The following SPATA6 variants were observed in gnomAD, a reference collection of about 807,000 sequenced individuals.
SPATA6 encodes the protein spermatogenesis-associated protein 6.
SPATA6 carries 56 observed loss-of-function variants against 65.3 expected under a neutral mutation model. The observed-to-expected ratio is 0.86, with a 90% CI of 0.69 to 1.07. SPATA6 has a LOEUF of 1.07. Among genes scored for constraint, SPATA6 ranks in the 50% least tolerant of loss-of-function variants. SPATA6 has a pLI of 0.00. For missense variants in SPATA6, 590 were observed against 594.8 expected, an observed-to-expected ratio of 0.99 and a Z score of 0.08; for synonymous variants, 199 against 213.2, an observed-to-expected ratio of 0.93 and a Z score of 0.58.
chr1:48,341,149 A>C (rs1646204592), intron 11 of SPATA6, among the ~76,000 whole-genome samples: 1 of 152,138 alleles, frequency 6.6e-6, no homozygotes, highest in Admixed American at 6.6e-5. Context: ...GCACACTTTG[A>C]AATCTTTTTG....
At chr1:48,317,855 A>T (rs533079969) in intron 11 of SPATA6, among the ~76,000 whole-genome samples, 3 of 152,276 alleles carry the variant, frequency 2.0e-5, no homozygotes, top group South Asian at 2.1e-4. Context: ...AGCACAATTT[A>T]AAAAAACCCT....
chr1:48,292,895 C>T (rs1275887133), downstream of SPATA6, among the ~76,000 whole-genome samples: 2 of 152,156 alleles, frequency 1.3e-5, no homozygotes, highest in East Asian at 3.9e-4. Context: ...GGTTTGGGTG[C>T]CCACAGAGGC....
chr1:48,399,351 A>G lies in SPATA6; in HGVS notation c.780T>C (p.His260=), dbSNP rs149803117. 19 of 1,611,236 alleles carry G rather than the reference A, an allele frequency of 1.2e-5. No individual in the cohort carries two copies. The highest frequency in any genetic ancestry group is 1.7e-5 in the Admixed American group (1 of 59,560). Residue 260 remains histidine, a splice_region_variant and synonymous_variant, in exon 7 of 13, where the codon CAT becomes CAC. Coordinates refer to ENST00000371847, the MANE Select transcript of SPATA6 (RefSeq NM_019073.4). ...TAGAAATGCTTAAGAGAACACATAC[A>G]TGTCTAATCACAAATGGAGGTTTAT... The part of the protein sequence containing the change: ...ETDKPPFVIR[H]VDPPSPRADT...
the SPATA6 span, among the ~76,000 whole-genome samples, chr1:48,265,395 G>GAA: frequency 7.0e-6 from 1 of 142,710 alleles, no homozygotes. Flanking sequence ...TATTAAAGGA[G>GAA]AAAAAAAAAA....
At position 48,298,820 on chromosome 1, in the gene SPATA6, T is replaced by C; in HGVS notation, c.1360A>G (p.Lys454Glu). The change falls in exon 13 of 13, where the codon AAG (lysine) becomes GAG (glutamate). Residue 454 changes from lysine to glutamate, a missense_variant. By Grantham distance (56) the Lys-to-Glu change is moderately conservative (BLOSUM62 1). Coordinates refer to ENST00000371847, the MANE Select transcript of SPATA6 (RefSeq NM_019073.4). Reference protein sequence around the residue: ...EYWSNRAASYKGKSHRPIFEN... With the variant: ...EYWSNRAASYEGKSHRPIFEN... ...AAGATGGGTCGGTGGGATTTTCCCTTATAAGAGGCTGCCCTGTTGGACCAG... is the reference window on the plus strand; with the variant it reads ...AAGATGGGTCGGTGGGATTTTCCCTCATAAGAGGCTGCCCTGTTGGACCAG... The C allele has an allele frequency of 6.2e-7, 1 of 1,614,006 alleles. No individual in the cohort carries two copies. The highest frequency in any genetic ancestry group is 8.5e-7 in the Non-Finnish European group (1 of 1,179,942).
chr1:48,447,114 T>C (rs113869220), intron 3 of SPATA6, among the ~76,000 whole-genome samples: 13 of 152,306 alleles, frequency 8.5e-5, no homozygotes, highest in South Asian at 4.1e-4. Context: ...TACTTTATTA[T>C]AAGAATATAG....
intron 5 of SPATA6, among the ~76,000 whole-genome samples, chr1:48,408,838 C>T (rs935185282): frequency 6.6e-6 from 1 of 152,110 alleles, no homozygotes; most frequent in Non-Finnish European, 1.5e-5. Context: ...ATGAGAACAG[C>T]GTGAGAAAGA....
the SPATA6 span, among the ~76,000 whole-genome samples, chr1:48,275,199 C>T: frequency 3.6e-4 from 54 of 152,062 alleles, no homozygotes; most frequent in Admixed American, 3.9e-4. Flanking sequence ...TGTATCCCGA[C>T]ACTGTGCTGA....
intron 3 of SPATA6, among the ~76,000 whole-genome samples, chr1:48,427,979 G>A (rs1338557591): frequency 2.0e-5 from 3 of 152,124 alleles, no homozygotes; most frequent in African/African-American, 7.2e-5. Context: ...AGAACACACT[G>A]TATTTGGTTT....
chr1:48,280,405 G>C, the SPATA6 span, among the ~76,000 whole-genome samples: 1 of 152,048 alleles, frequency 6.6e-6, no homozygotes, highest in Non-Finnish European at 1.5e-5. Flanking sequence ...CTGTTTTTTT[G>C]AGAGAATCAA....
At position 48,404,176 on chromosome 1, in the gene SPATA6, ATATAT is replaced by A. The variant is rs1231306634; in HGVS notation, c.406-299_406-295del. 4.6e-5 allele frequency among the ~76,000 whole-genome samples: 7 copies of A among 152,066 alleles called. 1 individual carries two copies. Among genetic ancestry groups the A allele is most frequent in the East Asian group, 1.9e-4 (1 of 5,186 alleles). ...AATTGTTTTAAATTTTTAAATTATGATATATTATAGCCATAAATATATAAACATAC... is the reference window on the plus strand; with the variant it reads ...AATTGTTTTAAATTTTTAAATTATGATATAGCCATAAATATATAAACATAC... On this transcript the variant is annotated intron_variant, in intron 5 of 12. Coordinates refer to ENST00000371847, the MANE Select transcript of SPATA6 (RefSeq NM_019073.4).
intron 10 of SPATA6, among the ~76,000 whole-genome samples, chr1:48,357,451 T>C (rs1224177052): frequency 2.6e-5 from 4 of 152,140 alleles, no homozygotes; most frequent in Non-Finnish European, 4.4e-5. Context: ...TCTGTTTATA[T>C]ACATGATTAA....
chr1:48,303,213 A>G (rs928403117), intron 12 of SPATA6, among the ~76,000 whole-genome samples: 1 of 152,156 alleles, frequency 6.6e-6, no homozygotes, highest in African/African-American at 2.4e-5. Flanking sequence ...TACAATGTGT[A>G]GTGAATCAAA....
At chr1:48,424,753 C>T (rs1653679531) in intron 3 of SPATA6, among the ~76,000 whole-genome samples, 1 of 152,166 alleles carries the variant, frequency 6.6e-6, no homozygotes, top group Non-Finnish European at 1.5e-5. Flanking sequence ...ATGTTGAGCA[C>T]ATTTTCATAT....
chr1:48,416,184 G>C (rs1652764473), intron 3 of SPATA6, among the ~76,000 whole-genome samples: 1 of 152,024 alleles, frequency 6.6e-6, no homozygotes, highest in Admixed American at 6.6e-5. Context: ...CCTGGGTGAA[G>C]CAGCGAGACT....
intron 3 of SPATA6, among the ~76,000 whole-genome samples, chr1:48,439,529 C>T (rs1655266161): frequency 6.6e-6 from 1 of 152,074 alleles, no homozygotes; most frequent in Non-Finnish European, 1.5e-5. Flanking sequence ...CAGCAGGGTC[C>T]AGGGACCATT....
downstream of SPATA6, among the ~76,000 whole-genome samples, chr1:48,291,083 C>T (rs1199590597): frequency 1.3e-5 from 2 of 152,186 alleles, no homozygotes; most frequent in Non-Finnish European, 2.9e-5. Context: ...GCAAAACTGA[C>T]CACATAGCTG....
At chr1:48,352,463 T>C (rs537585738) in intron 11 of SPATA6, among the ~76,000 whole-genome samples, 2 of 152,132 alleles carry the variant, frequency 1.3e-5, no homozygotes, top group East Asian at 3.9e-4. Context: ...TCATCAAAGT[T>C]TTAACATCAA....
At chr1:48,355,976 A>C (rs1272615525) in intron 10 of SPATA6, among the ~76,000 whole-genome samples, 1 of 152,194 alleles carries the variant, frequency 6.6e-6, no homozygotes, top group East Asian at 1.9e-4. Flanking sequence ...TTTCATATGA[A>C]AACAGTAATT....
Sources: allele counts gnomAD v4.1 joint callset (sites outside exome capture counted in the v4.1 genomes callset), GRCh38; gene constraint gnomAD v4.1.1; transcripts MANE v1.5; gene names NCBI Gene and HGNC (gene_info 2026-07-23, HGNC 2026-07-21).